The following TASP1 variants were observed in gnomAD, a reference collection of about 807,000 sequenced individuals.
The protein encoded by TASP1 is threonine aspartase 1.
In TASP1, 16 loss-of-function variants were observed where a neutral mutation model predicts 56.6. The observed-to-expected ratio is 0.28, with a 90% confidence interval of 0.19 to 0.43. TASP1 has a LOEUF of 0.43. Ranked by LOEUF, TASP1 falls within the 20% of genes least tolerant of loss-of-function variation. The pLI, the probability that TASP1 is intolerant of heterozygous loss-of-function variation, is 1.00. For missense variants in TASP1, 393 were observed against 511.6 expected, an observed-to-expected ratio of 0.77 and a Z score of 2.24; for synonymous variants, 179 against 184.2, an observed-to-expected ratio of 0.97 and a Z score of 0.23.
chr20:13,178,415 A>G, the TASP1 span, among the ~76,000 whole-genome samples: 1 of 152,276 alleles, frequency 6.6e-6, no homozygotes, highest in Non-Finnish European at 1.5e-5. Context: ...TATCCAAAAG[A>G]AGGTAAATCA....
chr20:13,525,797 A>G (rs1016214853), intron 10 of TASP1, among the ~76,000 whole-genome samples: 1 of 152,188 alleles, frequency 6.6e-6, no homozygotes, highest in African/African-American at 2.4e-5. Flanking sequence ...GCAATCACAC[A>G]AAGTCCAACG....
chr20:13,129,797 T>C, the TASP1 span, among the ~76,000 whole-genome samples: 5 of 152,244 alleles, frequency 3.3e-5, no homozygotes, highest in Admixed American at 3.3e-4. Context: ...TCAGTAATCA[T>C]CTGCCATCAA....
At chr20:13,382,420 G>C in the TASP1 span, among the ~76,000 whole-genome samples, 2 of 152,174 alleles carry the variant, frequency 1.3e-5, no homozygotes, top group African/African-American at 4.8e-5. Context: ...GCCAAGGTGG[G>C]AGGATTGCTT....
chr20:13,358,886 T>A, the TASP1 span, among the ~76,000 whole-genome samples: 2 of 150,516 alleles, frequency 1.3e-5, no homozygotes, highest in African/African-American at 4.9e-5. Context: ...CAACCCCTTC[T>A]CTCCTTGTCT....
At chr20:13,391,871 G>C (rs1416580563) in intron 13 of TASP1, among the ~76,000 whole-genome samples, 1 of 151,736 alleles carries the variant, frequency 6.6e-6, no homozygotes, top group Admixed American at 6.6e-5. Flanking sequence ...GGGAGGCTGA[G>C]GCAGGAGAAT....
At chr20:13,391,310 G>A (rs926625521) in intron 13 of TASP1, among the ~76,000 whole-genome samples, 4 of 152,148 alleles carry the variant, frequency 2.6e-5, no homozygotes, top group Non-Finnish European at 4.4e-5. Context: ...TGGAGGCTCC[G>A]GTAGAAGACA....
intron 10 of TASP1, among the ~76,000 whole-genome samples, chr20:13,496,688 T>C (rs755991913): frequency 6.6e-6 from 1 of 152,062 alleles, no homozygotes; most frequent in African/African-American, 2.4e-5. Context: ...TTTTACCAGC[T>C]AAAATAATGG....
the TASP1 span, among the ~76,000 whole-genome samples, chr20:13,316,836 C>A: frequency 5.5e-4 from 83 of 151,832 alleles, no homozygotes; most frequent in African/African-American, 1.8e-3. Context: ...TAATACTTAG[C>A]GGTAAGAAAC....
chr20:13,272,788 C>T, the TASP1 span, among the ~76,000 whole-genome samples: 2 of 152,226 alleles, frequency 1.3e-5, no homozygotes, highest in Non-Finnish European at 2.9e-5. Flanking sequence ...AAGGAAGGCA[C>T]TGACTTCATA....
chr20:13,605,637 C>G (rs1437652862), intron 4 of TASP1, among the ~76,000 whole-genome samples: 1 of 151,906 alleles, frequency 6.6e-6, no homozygotes, highest in African/African-American at 2.4e-5. Flanking sequence ...TATGATTGCA[C>G]CACTGCGCTC....
At chr20:13,302,097 T>C in the TASP1 span, among the ~76,000 whole-genome samples, 1 of 152,230 alleles carries the variant, frequency 6.6e-6, no homozygotes, top group Non-Finnish European at 1.5e-5. Context: ...TGGCAAGTTA[T>C]GGAGCCATGT....
the TASP1 span, among the ~76,000 whole-genome samples, chr20:13,220,849 T>C: frequency 6.6e-6 from 1 of 152,124 alleles, no homozygotes; most frequent in Non-Finnish European, 1.5e-5. Flanking sequence ...CAGCTCCAGT[T>C]TGCCAATAAA....
At chr20:13,374,017 C>A in the TASP1 span, among the ~76,000 whole-genome samples, 1 of 152,106 alleles carries the variant, frequency 6.6e-6, no homozygotes, top group Non-Finnish European at 1.5e-5. Context: ...AGTAAAAAAT[C>A]TCCTGTTGAG....
chr20:13,116,784 G>A, the TASP1 span, among the ~76,000 whole-genome samples: 1 of 152,330 alleles, frequency 6.6e-6, no homozygotes, highest in Non-Finnish European at 1.5e-5. Flanking sequence ...TCTCCTGGGA[G>A]CTTGGCAAAA....
Position 13,561,878 on chromosome 20 carries a change from CAA to C in TASP1, c.569-2766_569-2765del, listed in dbSNP as rs78221547. On this transcript the variant is annotated intron_variant, in intron 7 of 13. Transcript: ENST00000337743. The stretch of plus-strand genomic sequence containing the variant: ...TTAAATGTAATCCCCATTGTAACCA[CAA>C]AAAAAAATAGCAAGACAATATACAC... 2.0e-5 allele frequency among the ~76,000 whole-genome samples: 3 copies of C among 149,550 alleles called. No homozygotes were observed. In the South Asian group the frequency reaches 6.4e-4, roughly 32 times the overall value.
chr20:13,445,644 G>A (rs2043383325), intron 11 of TASP1, among the ~76,000 whole-genome samples: 1 of 152,102 alleles, frequency 6.6e-6, no homozygotes, highest in African/African-American at 2.4e-5. Context: ...CATTCTCCAT[G>A]ATTAACTTTT....
the TASP1 span, among the ~76,000 whole-genome samples, chr20:13,297,534 TA>T: frequency 6.6e-6 from 1 of 152,208 alleles, no homozygotes; most frequent in Admixed American, 6.5e-5. Context: ...TGAGACTCAC[TA>T]AACCTGAAGT....
chr20:13,393,746 C>T lies in TASP1; in HGVS notation c.1171-3294G>A, dbSNP rs2041385940. The T allele has an allele frequency of 1.7e-5, 12 of 711,818 alleles. No individual in the cohort carries two copies. In the South Asian group the frequency reaches 1.9e-4, roughly 11 times the overall value. 44.1% of individuals were successfully genotyped at this position (711,818 alleles called of 1,614,324 possible). On this transcript the variant is annotated intron_variant, in intron 13 of 13. Coordinates refer to ENST00000337743, the MANE Select transcript of TASP1 (RefSeq NM_017714.3). The stretch of plus-strand genomic sequence containing the variant: ...GGCCCTCAGCTGCTGGGAGTCCCTG[C>T]CCACACTCAGTCCCCTACCACACTG...
At chr20:13,435,993 G>C (rs925509525) in intron 11 of TASP1, among the ~76,000 whole-genome samples, 1 of 152,060 alleles carries the variant, frequency 6.6e-6, no homozygotes, top group Admixed American at 6.6e-5. Flanking sequence ...AGAAGCCATA[G>C]CCCAATAAGG....
Sources: gnomAD v4.1 joint callset for allele counts (sites outside exome capture counted in the v4.1 genomes callset) on GRCh38, gnomAD v4.1.1 for gene constraint, MANE v1.5 for transcripts, NCBI Gene and HGNC (gene_info 2026-07-23, HGNC 2026-07-21) for gene names.